PDCD11: variants seen among roughly 807,000 people sequenced by gnomAD.
PDCD11 encodes the protein protein RRP5 homolog.
PDCD11 carries 97 observed loss-of-function variants against 198.9 expected under a neutral mutation model. The ratio of observed to expected loss-of-function variants is 0.49; its 90% CI spans 0.41 to 0.58. The LOEUF (loss-of-function observed/expected upper bound fraction) is 0.58. Among genes scored for constraint, PDCD11 ranks in the 20% least tolerant of loss-of-function variants. PDCD11 has a pLI of 0.00. For missense variants in PDCD11, 2,102 were observed against 2,312.7 expected (o/e 0.91, Z 1.87); for synonymous variants, 893 against 918.0 (o/e 0.97, Z 0.49).
chr10:103,421,838 G>A (rs1197016589), intron 17 of PDCD11, among the ~76,000 whole-genome samples: 2 of 150,464 alleles, frequency 1.3e-5, no homozygotes, highest in African/African-American at 4.9e-5. Context: ...GCGGTGGCGG[G>A]CGCCTGTAGT....
intron 13 of PDCD11, among the ~76,000 whole-genome samples, chr10:103,417,551 G>A (rs1003051561): frequency 1.3e-5 from 2 of 152,186 alleles, no homozygotes; most frequent in Admixed American, 6.6e-5. Flanking sequence ...ACCTCAAAAA[G>A]AAAAATAATT....
intron 16 of PDCD11, among the ~76,000 whole-genome samples, 194 bp from the exon 17 acceptor site, chr10:103,421,154 G>A (rs980558690): frequency 2.0e-5 from 3 of 152,152 alleles, no homozygotes; most frequent in Non-Finnish European, 4.4e-5. Flanking sequence ...GATTACAGGC[G>A]TGAGCCACTG....
In PDCD11 at chr10:103,443,241, A is replaced by G; in HGVS notation, c.5032A>G (p.Thr1678Ala). 1 of 1,612,890 alleles carries G rather than the reference A, an allele frequency of 6.2e-7. No homozygotes were observed. Reference sequence around the variant, plus strand: ...CATGTACGGCTCTCAGGAGTCCCTGACCAAGGTCTTTGAGCGAGCCGTGCA... The same window carrying G: ...CATGTACGGCTCTCAGGAGTCCCTGGCCAAGGTCTTTGAGCGAGCCGTGCA... Reference protein sequence around the residue: ...ENMYGSQESLTKVFERAVQYN... With the variant: ...ENMYGSQESLAKVFERAVQYN... The change falls in exon 33 of 36, where the codon ACC becomes GCC. Residue 1678 changes from threonine (T) to alanine (A), a missense_variant. Physicochemically the swap from Thr to Ala is moderately conservative, Grantham distance 58. Coordinates refer to ENST00000369797, the MANE Select transcript of PDCD11 (RefSeq NM_014976.2).
intron 9 of PDCD11, among the ~76,000 whole-genome samples, chr10:103,413,572 C>G (rs2030930882): frequency 6.6e-6 from 1 of 152,094 alleles, no homozygotes; most frequent in Admixed American, 6.6e-5. Context: ...AGACCAGGGC[C>G]CAGCAGAGTT....
chr10:103,417,377 G>A (rs1592124250), intron 13 of PDCD11, among the ~76,000 whole-genome samples: 1 of 152,000 alleles, frequency 6.6e-6, no homozygotes, highest in Admixed American at 6.6e-5. Flanking sequence ...TTGCCATGTT[G>A]GCCAGGCTGG....
At chr10:103,420,370 T>A (rs1159056853) in intron 16 of PDCD11, among the ~76,000 whole-genome samples, 1 of 152,186 alleles carries the variant, frequency 6.6e-6, no homozygotes, top group Non-Finnish European at 1.5e-5. Flanking sequence ...GTACAGGTTT[T>A]GCAGACTTCT....
intron 35 of PDCD11, 84 bp downstream of exon 35, chr10:103,444,766 G>A: frequency 1.5e-6 from 2 of 1,313,576 alleles, no homozygotes; most frequent in South Asian, 1.2e-5. Context: ...CAGCATCCCA[G>A]TTCTCTTACT....
In PDCD11 at chr10:103,417,856, T is replaced by A. The variant is rs151294867; in HGVS notation, c.1835T>A (p.Leu612Gln). 2 of 1,614,052 alleles carry A rather than the reference T, an allele frequency of 1.2e-6. No homozygotes were observed. Among genetic ancestry groups the A allele is most frequent in the African/African-American group, 2.7e-5 (2 of 74,906 alleles). Residue 612 changes from leucine to glutamine, a missense_variant, in exon 14 of 36, where the codon CTG (leucine) becomes CAG (glutamine). By Grantham distance (113) the Leu-to-Gln change is moderately radical. Transcript: ENST00000369797. ...SKERMLLSFK[L>Q]SSDPEPKKEP... ...GAGAGGATGCTCTTATCCTTCAAGC[T>A]GTCGAGTGATCCAGAGCCAAAGAAA...
intron 2 of PDCD11, among the ~76,000 whole-genome samples, chr10:103,400,037 A>G (rs1181494610): frequency 3.3e-5 from 5 of 152,118 alleles, no homozygotes; most frequent in Admixed American, 2.0e-4. Flanking sequence ...GGTGGAAAAG[A>G]TGAGAATTTA....
At chr10:103,443,576 T>C (rs2032478515) in intron 33 of PDCD11, among the ~76,000 whole-genome samples, 1 of 152,188 alleles carries the variant, frequency 6.6e-6, no homozygotes. Flanking sequence ...TGTGTCTGCC[T>C]TGGGCTGCTG....
chr10:103,400,455 C>T lies in PDCD11; in HGVS notation c.161C>T (p.Thr54Ile), dbSNP rs1211802159. 1.1e-5 allele frequency: 17 copies of T among 1,613,640 alleles called. No individual in the cohort carries two copies. The highest frequency in any genetic ancestry group is 1.4e-5 in the Non-Finnish European group (17 of 1,179,874). ...AAGAGCCAGAAGGGGCCAGCAAAAA[C>T]AAAAAAGTTGAAAATCGAAAAGAGA... Reference protein sequence around the residue: ...RKKSQKGPAKTKKLKIEKRES... With the variant: ...RKKSQKGPAKIKKLKIEKRES... Residue 54 changes from threonine (T) to isoleucine (I), a missense_variant, in exon 3 of 36, where the codon ACA becomes ATA. Physicochemically the swap from Thr to Ile is moderately conservative, Grantham distance 89. Transcript: ENST00000369797.
chr10:103,401,935 G>C (rs1168565407), intron 3 of PDCD11, among the ~76,000 whole-genome samples: 1 of 151,976 alleles, frequency 6.6e-6, no homozygotes, highest in Non-Finnish European at 1.5e-5. Context: ...GTAGAGACGG[G>C]GCTTTACCAT....
At chr10:103,428,680 CTG>C (rs1324057019) in intron 21 of PDCD11, among the ~76,000 whole-genome samples, 4 of 152,148 alleles carry the variant, frequency 2.6e-5, no homozygotes, top group East Asian at 1.9e-4. Context: ...TCAGTGAACT[CTG>C]TGGGAACACT....
chr10:103,419,540 T>G lies in PDCD11; in HGVS notation c.2109T>G (p.Leu703=), dbSNP rs150856565. The stretch of plus-strand genomic sequence containing the variant: ...ATTCCTTGATGAAGTACCACTAGCT[T>G]CTTTGCAGGAAGCCAGCCTTGGTCT... ...LCLSQSEGRV[L]LCRKPALVST... is the part of the protein sequence containing the mutation. Residue 703 remains leucine, a splice_region_variant and synonymous_variant, in exon 16 of 36, where the codon CTT becomes CTG. Transcript: ENST00000369797. 31 of 1,613,102 alleles carry G rather than the reference T, an allele frequency of 1.9e-5. No homozygotes were observed. The highest frequency in any genetic ancestry group is 2.5e-5 in the Non-Finnish European group (30 of 1,179,642).
chr10:103,402,201 C>T (rs2030132989), intron 3 of PDCD11, among the ~76,000 whole-genome samples: 1 of 152,122 alleles, frequency 6.6e-6, no homozygotes, highest in Admixed American at 6.6e-5. Context: ...TCCAGACTGC[C>T]ATTGTCTCCA....
intron 9 of PDCD11, among the ~76,000 whole-genome samples, 192 bp downstream of exon 9, chr10:103,413,514 A>G (rs759627726): frequency 1.3e-5 from 2 of 152,234 alleles, no homozygotes; most frequent in Admixed American, 6.5e-5. Context: ...CCAGCTTGCC[A>G]TATCTGATAC....
intron 3 of PDCD11, among the ~76,000 whole-genome samples, chr10:103,402,732 C>T (rs2030185193): frequency 6.6e-6 from 1 of 151,034 alleles, no homozygotes; most frequent in African/African-American, 2.4e-5. Flanking sequence ...AGCCACTGTA[C>T]CCGGCCTATT....
At chr10:103,415,524 A>G (rs957595819) in intron 12 of PDCD11, among the ~76,000 whole-genome samples, 24 of 152,208 alleles carry the variant, frequency 1.6e-4, no homozygotes, top group Non-Finnish European at 2.4e-4. Context: ...GCCAGTTTCT[A>G]TGCTAGGCAT....
At chr10:103,400,688 T>C (rs547110902) in intron 3 of PDCD11, among the ~76,000 whole-genome samples, 160 bp downstream of exon 3, 1 of 152,332 alleles carries the variant, frequency 6.6e-6, no homozygotes, top group Non-Finnish European at 1.5e-5. Context: ...GAATTTATGC[T>C]AAGGAGTAAG....
Sources: allele counts gnomAD v4.1 joint callset (sites outside exome capture counted in the v4.1 genomes callset), GRCh38; gene constraint gnomAD v4.1.1; transcripts MANE v1.5; gene names NCBI Gene and HGNC (gene_info 2026-07-23, HGNC 2026-07-21).